Variants in IGSF21 observed in about 807,000 individuals in gnomAD.
IGSF21 encodes the protein immunoglobulin superfamily member 21.
Under a neutral mutation model 46.8 loss-of-function variants are expected in IGSF21, and 28 were observed. The observed-to-expected ratio is 0.60, with a 90% CI of 0.44 to 0.82. The LOEUF (loss-of-function observed/expected upper bound fraction) is 0.82. Among genes scored for constraint, IGSF21 ranks in the 40% least tolerant of loss-of-function variants. The pLI is 0.00. For missense variants in IGSF21, 624 were observed against 665.5 expected (o/e 0.94, Z 0.69); for synonymous variants, 284 against 273.6 (o/e 1.04, Z -0.38).
At chr1:18,162,567 C>T (rs933733557) in intron 1 of IGSF21, among the ~76,000 whole-genome samples, 6 of 152,090 alleles carry the variant, frequency 3.9e-5, no homozygotes, top group African/African-American at 9.7e-5. Context: ...CAATATATGC[C>T]GTTGTAAGTG....
chr1:18,120,563 T>C (rs1313729332), intron 1 of IGSF21, among the ~76,000 whole-genome samples: 1 of 152,208 alleles, frequency 6.6e-6, no homozygotes, highest in African/African-American at 2.4e-5. Flanking sequence ...CGATGCTCAT[T>C]GTACCTGACA....
intron 4 of IGSF21, among the ~76,000 whole-genome samples, chr1:18,338,582 A>G (rs4920480): frequency 0.18 from 27,551 of 152,086 alleles, 2,805 homozygotes; most frequent in East Asian, 0.42. Flanking sequence ...CAGAAAGCCC[A>G]GCACCCCAGT....
intron 2 of IGSF21, among the ~76,000 whole-genome samples, chr1:18,231,922 CGT>C (rs150869622): frequency 0.013 from 1,832 of 136,482 alleles, 25 homozygotes; most frequent in African/African-American, 0.033. Context: ...ATCATTAGAT[CGT>C]GTGTGTGTGT....
At chr1:18,195,938 A>G (rs922071449) in intron 1 of IGSF21, among the ~76,000 whole-genome samples, 2 of 152,238 alleles carry the variant, frequency 1.3e-5, no homozygotes, top group Non-Finnish European at 2.9e-5. Context: ...CGGAAGAGGC[A>G]GCAGCCAGCG....
chr1:18,247,329 A>T (rs1557605669), intron 2 of IGSF21, among the ~76,000 whole-genome samples: 1 of 152,080 alleles, frequency 6.6e-6, no homozygotes, highest in Non-Finnish European at 1.5e-5. Flanking sequence ...GAGCAGGTAC[A>T]TCCCCTTCCT....
At chr1:18,313,994 A>T (rs2124587177) in intron 3 of IGSF21, among the ~76,000 whole-genome samples, 1 of 152,288 alleles carries the variant, frequency 6.6e-6, no homozygotes, top group East Asian at 1.9e-4. Context: ...CCATGTTGTG[A>T]TATAACTTTC....
At chr1:18,256,597 AG>A (rs925346554) in intron 2 of IGSF21, among the ~76,000 whole-genome samples, 1 of 152,110 alleles carries the variant, frequency 6.6e-6, no homozygotes, top group Non-Finnish European at 1.5e-5. Flanking sequence ...ATGTTTCCCA[AG>A]GGGGAAGGAA....
rs1271791435 is a variant in IGSF21 at position 18,365,807 on chromosome 1, G to A, written c.1015+110G>A. The A allele has an allele frequency of 2.4e-6, 2 of 836,730 alleles. No individual in the cohort carries two copies. Among genetic ancestry groups the A allele is most frequent in the Admixed American group, 5.7e-5 (2 of 35,030 alleles). 51.8% of individuals were successfully genotyped at this position (836,730 alleles called of 1,614,324 possible). ...ACAGCCATGGAAAGGGGGAGGAGAT[G>A]GAGCAAACTGGAGTCAGGATGAGCA... On this transcript the variant is annotated intron_variant, in intron 6 of 9. Coordinates refer to ENST00000251296, the MANE Select transcript of IGSF21 (RefSeq NM_032880.5). This position sits in a 1 kb window ranked among gnomAD's most constrained non-coding sequence, Gnocchi z 4.8.
chr1:18,127,287 G>A (rs576074191), intron 1 of IGSF21, among the ~76,000 whole-genome samples: 4 of 152,330 alleles, frequency 2.6e-5, no homozygotes, highest in South Asian at 4.1e-4. Context: ...AGCTATGTGA[G>A]GGGAGTACAG....
chr1:18,190,825 G>T (rs1049912039), intron 1 of IGSF21, among the ~76,000 whole-genome samples: 6 of 152,184 alleles, frequency 3.9e-5, no homozygotes, highest in Admixed American at 2.0e-4. Flanking sequence ...GTGCTTTCTC[G>T]GCTGGGCCTA....
chr1:18,327,988 G>A (rs1437159566), intron 3 of IGSF21, among the ~76,000 whole-genome samples: 1 of 152,166 alleles, frequency 6.6e-6, no homozygotes, highest in Non-Finnish European at 1.5e-5. Flanking sequence ...CCTAAGACTC[G>A]ACAGGATGAG....
chr1:18,148,188 T>A (rs2086487996), intron 1 of IGSF21, among the ~76,000 whole-genome samples: 2 of 141,028 alleles, frequency 1.4e-5, no homozygotes, highest in South Asian at 4.6e-4. Flanking sequence ...TGGAGTGCAG[T>A]GGCGCGATCT....
At chr1:18,212,469 A>G (rs2084402486) in intron 1 of IGSF21, among the ~76,000 whole-genome samples, 1 of 152,156 alleles carries the variant, frequency 6.6e-6, no homozygotes, top group South Asian at 2.1e-4. Flanking sequence ...TGGCATCACC[A>G]TTGTCCTGAG....
At chr1:18,246,526 C>T (rs1367340845) in intron 2 of IGSF21, among the ~76,000 whole-genome samples, 1 of 152,144 alleles carries the variant, frequency 6.6e-6, no homozygotes, top group Non-Finnish European at 1.5e-5. Flanking sequence ...GTCTTGTCCC[C>T]TCTGGCTTCC....
chr1:18,189,325 A>AT (rs1485876755), intron 1 of IGSF21, among the ~76,000 whole-genome samples: 1 of 152,152 alleles, frequency 6.6e-6, no homozygotes, highest in African/African-American at 2.4e-5. Context: ...TCACTTAGTA[A>AT]TCATGTGAGC....
chr1:18,268,369 AG>A (rs1170262038), intron 2 of IGSF21, among the ~76,000 whole-genome samples: 2 of 152,198 alleles, frequency 1.3e-5, no homozygotes, highest in African/African-American at 2.4e-5. Flanking sequence ...TCTTACCACA[AG>A]GTAGCCTGCA....
chr1:18,242,493 AACTC>A, intron 2 of IGSF21, among the ~76,000 whole-genome samples: 1 of 152,342 alleles, frequency 6.6e-6, no homozygotes, highest in East Asian at 1.9e-4. Flanking sequence ...GTGGTAGAGT[AACTC>A]AAATGAGTCT....
At chr1:18,330,442 AT>A (rs1212143958) in intron 3 of IGSF21, among the ~76,000 whole-genome samples, 5 of 152,176 alleles carry the variant, frequency 3.3e-5, no homozygotes, top group Non-Finnish European at 5.9e-5. Context: ...TACAAATTTT[AT>A]TTTTTTAGAA....
At chr1:18,210,148 T>C (rs1410879050) in intron 1 of IGSF21, among the ~76,000 whole-genome samples, 1 of 152,130 alleles carries the variant, frequency 6.6e-6, no homozygotes, top group Non-Finnish European at 1.5e-5. Flanking sequence ...ATGTAGGATG[T>C]ATGCATTTAA....
Sources: allele counts gnomAD v4.1 joint callset (sites outside exome capture counted in the v4.1 genomes callset), GRCh38; gene constraint gnomAD v4.1.1; non-coding constraint Gnocchi (gnomAD v3.1); transcripts MANE v1.5; gene names NCBI Gene and HGNC (gene_info 2026-07-23, HGNC 2026-07-21).